DDX60: variants seen among roughly 807,000 people sequenced by gnomAD.
DDX60 encodes probable ATP-dependent RNA helicase DDX60.
DDX60 carries 165 observed loss-of-function variants against 212.8 expected under a neutral mutation model. The observed-to-expected ratio is 0.78, with a 90% CI of 0.68 to 0.88. DDX60 has a LOEUF of 0.88. DDX60 is among the 40% of genes least tolerant of loss of function. DDX60 has a pLI of 0.00. For synonymous variants in DDX60, 703 were observed against 685.3 expected, an observed-to-expected ratio of 1.03 and a Z score of -0.40; for missense variants, 1,905 against 2,003.9, an observed-to-expected ratio of 0.95 and a Z score of 0.94.
intron 8 of DDX60, among the ~76,000 whole-genome samples, chr4:168,290,934 CT>C (rs1560863685): frequency 6.6e-6 from 1 of 152,110 alleles, no homozygotes. Flanking sequence ...AACATTTTCA[CT>C]GTATGTATAA....
intron 35 of DDX60, among the ~76,000 whole-genome samples, chr4:168,222,629 C>G (rs544679106): frequency 6.6e-6 from 1 of 152,130 alleles, no homozygotes; most frequent in South Asian, 2.1e-4. Context: ...TTGCAGGTAA[C>G]CATTCGAGTG....
In DDX60 at chr4:168,273,225, A is replaced by T. The variant is rs1735178191; in HGVS notation, c.2574+54T>A. 2.6e-6 allele frequency: 4 copies of T among 1,518,054 alleles called. No homozygotes were observed. In the Admixed American group the frequency reaches 8.2e-5, roughly 31 times the overall value. 94.0% of individuals were successfully genotyped at this position (1,518,054 alleles called of 1,614,324 possible). ...ATGTTGAATTTCTAGTCAAAGAGAC[A>T]TACAAGTACAGTTATATAATTTGAT... On this transcript the variant is annotated intron_variant, in intron 18 of 37. Transcript: ENST00000393743.
In DDX60 at chr4:168,261,100, T is replaced by A. The variant is rs544536413; in HGVS notation, c.3274-111A>T. On this transcript the variant is annotated intron_variant, in intron 24 of 37. Coordinates refer to ENST00000393743, the MANE Select transcript of DDX60 (RefSeq NM_017631.6). ...TCTAATATATGTTTTTGGGTTTTTT[T>A]AAAATAGTCCTATGAAAGTACATTA... The A allele has an allele frequency of 2.1e-3, 2,403 of 1,140,298 alleles. 8 individuals carry two copies. Among genetic ancestry groups the A allele is most frequent in the Non-Finnish European group, 2.7e-3 (2,125 of 796,592 alleles). The allele number at this position is 1,140,298 out of a possible 1,614,324, so 70.6% of individuals were successfully genotyped here.
At chr4:168,283,402 GAA>G in intron 13 of DDX60, 42 bp downstream of exon 13, 1 of 1,586,430 alleles carries the variant, frequency 6.3e-7, no homozygotes, top group East Asian at 2.2e-5. Context: ...CCTGATAAAA[GAA>G]AAGGAAAATT....
At chr4:168,274,196 G>C (rs1465806071) in intron 16 of DDX60, 113 bp from the exon 17 acceptor site, 1 of 1,297,032 alleles carries the variant, frequency 7.7e-7, no homozygotes, top group African/African-American at 1.5e-5. Context: ...GGATCTGTAG[G>C]TACATCTGAA....
At chr4:168,257,368 G>A (rs979388013) in intron 25 of DDX60, among the ~76,000 whole-genome samples, 1 of 151,956 alleles carries the variant, frequency 6.6e-6, no homozygotes, top group African/African-American at 2.4e-5. Context: ...ACTTCAGTAT[G>A]TTAACTCATT....
At chr4:168,286,313 A>T (rs1213660957) in intron 10 of DDX60, among the ~76,000 whole-genome samples, 2 of 151,762 alleles carry the variant, frequency 1.3e-5, no homozygotes, top group East Asian at 3.9e-4. Flanking sequence ...AATAAAAAAG[A>T]AGTAGGGAAA....
rs747885352 is a variant in DDX60 at position 168,302,284 on chromosome 4, T to A, written c.723+16A>T. ...AACTTAGTTCAAATACAAAGCTTTT[T>A]AAAATGTTTTGTTACCTCTTCCGTA... On this transcript the variant is annotated intron_variant, in intron 6 of 37. Transcript: ENST00000393743. The A allele has an allele frequency of 2.9e-6, 4 of 1,368,842 alleles. No individual in the cohort carries two copies. Among genetic ancestry groups the A allele is most frequent in the Non-Finnish European group, 4.0e-6 (4 of 1,000,276 alleles). The allele number at this position is 1,368,842 out of a possible 1,614,324, so 84.8% of individuals were successfully genotyped here.
intron 25 of DDX60, 23 bp downstream of exon 25, chr4:168,260,842 C>A: frequency 6.3e-7 from 1 of 1,590,538 alleles, no homozygotes; most frequent in Non-Finnish European, 8.6e-7. Flanking sequence ...ACAAGCAAAA[C>A]CAAATTAAAT....
intron 13 of DDX60, among the ~76,000 whole-genome samples, 191 bp from the exon 14 acceptor site, chr4:168,280,781 T>C (rs72693157): frequency 0.048 from 7,259 of 152,302 alleles, 270 homozygotes; most frequent in East Asian, 0.14. Context: ...CAATTTAATT[T>C]AGGGAGTGTA....
chr4:168,273,788 TG>T (rs1735206735), intron 17 of DDX60, 145 bp downstream of exon 17: 1 of 774,996 alleles, frequency 1.3e-6, no homozygotes, highest in South Asian at 1.9e-5. Flanking sequence ...TATATGTATA[TG>T]TATATTATTT....
chr4:168,279,924 T>G (rs1426273651), intron 14 of DDX60, among the ~76,000 whole-genome samples: 4 of 152,110 alleles, frequency 2.6e-5, no homozygotes, highest in African/African-American at 9.7e-5. Context: ...CACAAAAGAA[T>G]GGCAACCTTC....
chr4:168,258,295 A>G (rs369556037), intron 25 of DDX60, among the ~76,000 whole-genome samples: 18 of 152,338 alleles, frequency 1.2e-4, no homozygotes, highest in East Asian at 9.6e-4. Flanking sequence ...TAAGTAAATT[A>G]AGGCTTAAAG....
At position 168,267,902 on chromosome 4, in the gene DDX60, A is replaced by T. The variant is rs753010688; in HGVS notation, c.2868T>A (p.Gly956=). ...AGTCTTTGGGAAAGCCGGCCTGACG[A>T]CCCACATGTCTTTTAGAAGCGGTAT... ...ENNTASKRHV[G]RQAGFPKDYL... is the part of the protein sequence containing the mutation. Residue 956 remains glycine (G), a synonymous_variant, in exon 21 of 38, where the codon GGT becomes GGA. Transcript: ENST00000393743. 1.5e-5 allele frequency: 25 copies of T among 1,613,254 alleles called. No individual in the cohort carries two copies. The highest frequency in any genetic ancestry group is 2.1e-5 in the Non-Finnish European group (25 of 1,179,624).
In DDX60 at chr4:168,302,425, TA is replaced by T; in HGVS notation, c.607-10del. The T allele has an allele frequency of 7.6e-7, 1 of 1,309,016 alleles. No individual in the cohort carries two copies. The highest frequency in any genetic ancestry group is 1.0e-6 in the Non-Finnish European group (1 of 976,434). The allele number at this position is 1,309,016 out of a possible 1,614,324, so 81.1% of individuals were successfully genotyped here. A position where few individuals can be genotyped will look rare whatever the true frequency, so the allele number is the denominator to read the frequency against. ...TTAATGTTCTGCTTATTCTGTAAAA[TA>T]AAGAAAAATCAGAAAAGTTGTTATA... On this transcript the variant is annotated splice_polypyrimidine_tract_variant and intron_variant, in intron 5 of 37. Transcript: ENST00000393743.
At position 168,247,438 on chromosome 4, in the gene DDX60, G is replaced by A. The variant is rs530445874; in HGVS notation, c.3963+750C>T. ...AAATGATATAAGAATGTTATATTGG[G>A]TAGGAACAAGGCCTATAAGGAGAAC... On this transcript the variant is annotated intron_variant, in intron 29 of 37. Coordinates refer to ENST00000393743, the MANE Select transcript of DDX60 (RefSeq NM_017631.6). Among the ~76,000 whole-genome samples the A allele has an allele frequency of 8.6e-4, 131 of 152,320 alleles. 4 individuals carry two copies. Among genetic ancestry groups the A allele is most frequent in the African/African-American group, 6.3e-4 (26 of 41,580 alleles).
upstream of DDX60, among the ~76,000 whole-genome samples, chr4:168,319,356 A>C (rs1299832187): frequency 6.6e-6 from 1 of 152,194 alleles, no homozygotes; most frequent in African/African-American, 2.4e-5. Flanking sequence ...AAATTGATAA[A>C]ATGTAAAAGA....
At chr4:168,273,897 G>A (rs1401270690) in intron 17 of DDX60, 37 bp downstream of exon 17, 1 of 1,586,560 alleles carries the variant, frequency 6.3e-7, no homozygotes, top group Non-Finnish European at 8.6e-7. Context: ...AGTAGGTTCA[G>A]GAATGAAAGA....
intron 6 of DDX60, among the ~76,000 whole-genome samples, chr4:168,297,763 G>C (rs1254179721): frequency 6.6e-6 from 1 of 152,034 alleles, no homozygotes. Context: ...AGGTGTGGTG[G>C]CACAGGCCTG....
Sources: gnomAD v4.1 joint callset for allele counts (sites outside exome capture counted in the v4.1 genomes callset) on GRCh38, gnomAD v4.1.1 for gene constraint, MANE v1.5 for transcripts, NCBI Gene and HGNC (gene_info 2026-07-23, HGNC 2026-07-21) for gene names.